LRP1B: variants seen among roughly 807,000 people sequenced by gnomAD.
The protein encoded by LRP1B is LDL receptor related protein 1B.
A neutral mutation model predicts 556.6 loss-of-function variants in LRP1B; 217 were observed. The observed-to-expected ratio is 0.39, with a 90% CI of 0.35 to 0.44. The LOEUF (loss-of-function observed/expected upper bound fraction) is 0.44, where lower values mean the gene tolerates loss of function less well. LRP1B is among the 20% of genes least tolerant of loss of function. LRP1B has a pLI of 1.00. For missense variants in LRP1B, 5,053 were observed against 5,620.8 expected (o/e 0.90, Z 3.23); for synonymous variants, 2,047 against 1,865.8 (o/e 1.10, Z -2.50).
chr2:141,983,952 T>A (rs1282186570), intron 1 of LRP1B, among the ~76,000 whole-genome samples: 1 of 152,002 alleles, frequency 6.6e-6, no homozygotes, highest in Admixed American at 6.6e-5. Context: ...TCCCAGCTAC[T>A]CAGGAAGCTG....
intron 2 of LRP1B, among the ~76,000 whole-genome samples, chr2:141,482,138 T>C (rs4396651): frequency 0.96 from 145,855 of 152,190 alleles, 70,203 homozygotes; most frequent in East Asian, 1. Flanking sequence ...AGAAAACAAA[T>C]AAAAGAAAAC....
At chr2:141,238,496 C>T (rs1683740650) in intron 5 of LRP1B, among the ~76,000 whole-genome samples, 1 of 152,080 alleles carries the variant, frequency 6.6e-6, no homozygotes, top group Admixed American at 6.6e-5. Flanking sequence ...TCAACAAATA[C>T]TTATTGAGCC....
chr2:141,629,932 A>G (rs1404932148), intron 2 of LRP1B, among the ~76,000 whole-genome samples: 1 of 152,158 alleles, frequency 6.6e-6, no homozygotes, highest in East Asian at 1.9e-4. Flanking sequence ...CTGAGAGATC[A>G]GGCATGAGAG....
chr2:140,284,494 G>A (rs958262411), intron 84 of LRP1B, among the ~76,000 whole-genome samples: 1 of 151,586 alleles, frequency 6.6e-6, no homozygotes, highest in Non-Finnish European at 1.5e-5. Context: ...TAACTGGAGG[G>A]CAGGCAACAT....
chr2:140,786,867 A>C (rs1445161435), intron 32 of LRP1B, among the ~76,000 whole-genome samples: 1 of 152,184 alleles, frequency 6.6e-6, no homozygotes, highest in Non-Finnish European at 1.5e-5. Context: ...CCAGCGAACT[A>C]GTTTTGTGCA....
At chr2:140,691,431 ATGCAATCCAGGCTGGAT>A (rs1233175912) in intron 41 of LRP1B, among the ~76,000 whole-genome samples, 5 of 151,096 alleles carry the variant, frequency 3.3e-5, no homozygotes, top group Admixed American at 1.3e-4. Context: ...AGCCAACATC[ATGCAATCCAGGCTGGAT>A]TGCAATCCAG....
At chr2:141,756,806 G>A (rs893660091) in intron 2 of LRP1B, among the ~76,000 whole-genome samples, 16 of 152,090 alleles carry the variant, frequency 1.1e-4, no homozygotes, top group African/African-American at 3.9e-4. Context: ...GCCTAGGTAT[G>A]TAGTGGGGTA....
At chr2:141,790,134 T>A (rs1022761840) in intron 2 of LRP1B, among the ~76,000 whole-genome samples, 4 of 151,940 alleles carry the variant, frequency 2.6e-5, no homozygotes, top group African/African-American at 9.7e-5. Flanking sequence ...TACCTCATTG[T>A]TATTGATGCA....
chr2:140,704,522 T>C (rs752433349), intron 37 of LRP1B, among the ~76,000 whole-genome samples: 2 of 152,140 alleles, frequency 1.3e-5, no homozygotes, highest in Non-Finnish European at 2.9e-5. Context: ...TAAGATATAA[T>C]TGAAGCAGGC....
At chr2:141,623,228 A>G (rs1328574014) in intron 2 of LRP1B, among the ~76,000 whole-genome samples, 1 of 152,210 alleles carries the variant, frequency 6.6e-6, no homozygotes, top group Non-Finnish European at 1.5e-5. Flanking sequence ...CATTGTCCAT[A>G]TCCAAATAAA....
At chr2:140,717,527 A>G (rs1687255137) in intron 35 of LRP1B, among the ~76,000 whole-genome samples, 1 of 152,098 alleles carries the variant, frequency 6.6e-6, no homozygotes, top group Non-Finnish European at 1.5e-5. Context: ...ACTTGAATGA[A>G]AAATGTGTCT....
chr2:140,534,226 T>C, intron 46 of LRP1B, 86 bp from the exon 47 acceptor site: 1 of 1,233,710 alleles, frequency 8.1e-7, no homozygotes, highest in Non-Finnish European at 1.1e-6. Flanking sequence ...ATTTCATTCA[T>C]AATGACTGGA....
At chr2:141,720,425 TA>T (rs1243793264) in intron 2 of LRP1B, among the ~76,000 whole-genome samples, 1 of 152,132 alleles carries the variant, frequency 6.6e-6, no homozygotes, top group East Asian at 1.9e-4. Context: ...CTGGCAATTT[TA>T]AGTAGTTTAT....
At chr2:140,893,980 T>C (rs575672851) in intron 23 of LRP1B, among the ~76,000 whole-genome samples, 2 of 152,298 alleles carry the variant, frequency 1.3e-5, no homozygotes, top group East Asian at 3.9e-4. Context: ...AGGCTCTGAA[T>C]AGCAGACAGA....
intron 2 of LRP1B, among the ~76,000 whole-genome samples, chr2:141,555,101 G>A (rs1419280335): frequency 6.6e-6 from 1 of 151,982 alleles, no homozygotes; most frequent in Non-Finnish European, 1.5e-5. Context: ...TGAAGGACTG[G>A]AAATGGACAG....
intron 35 of LRP1B, among the ~76,000 whole-genome samples, chr2:140,719,473 A>C (rs1461612894): frequency 1.3e-5 from 2 of 152,070 alleles, no homozygotes; most frequent in Non-Finnish European, 2.9e-5. Context: ...CAGTACTGCA[A>C]AATTTTAGTC....
intron 3 of LRP1B, among the ~76,000 whole-genome samples, chr2:141,277,541 C>CTA (rs75339320): frequency 0.29 from 43,303 of 151,920 alleles, 6,430 homozygotes; most frequent in African/African-American, 0.37. Context: ...TAGCTTCAGG[C>CTA]TGATTAACTG....
At chr2:140,996,991 A>C (rs1159947029) in intron 15 of LRP1B, among the ~76,000 whole-genome samples, 1 of 151,986 alleles carries the variant, frequency 6.6e-6, no homozygotes. Context: ...GGAATTGGAC[A>C]CTTTACTTCA....
At chr2:141,674,768 T>C (rs1241276513) in intron 2 of LRP1B, among the ~76,000 whole-genome samples, 2 of 152,028 alleles carry the variant, frequency 1.3e-5, no homozygotes, top group Admixed American at 1.3e-4. Context: ...CAGATATTTC[T>C]GAAACCAAAG....
Sources: gnomAD v4.1 joint callset for allele counts (sites outside exome capture counted in the v4.1 genomes callset) on GRCh38, gnomAD v4.1.1 for gene constraint, MANE v1.5 for transcripts, NCBI Gene and HGNC (gene_info 2026-07-23, HGNC 2026-07-21) for gene names.